The following ALG8 variants were observed in gnomAD, a reference collection of about 807,000 sequenced individuals.
ALG8 encodes dolichyl pyrophosphate Glc1Man9GlcNAc2 alpha-1,3-glucosyltransferase.
Under a neutral mutation model 70.2 loss-of-function variants are expected in ALG8, and 48 were observed. That is an observed-to-expected ratio of 0.68 (90% CI 0.54 to 0.87). The LOEUF (loss-of-function observed/expected upper bound fraction) is 0.87. Among genes scored for constraint, ALG8 ranks in the 40% least tolerant of loss-of-function variants. The pLI is 0.00. For missense variants in ALG8, 572 were observed against 608.7 expected (o/e 0.94, Z 0.64); for synonymous variants, 234 against 229.0 (o/e 1.02, Z -0.20).
In ALG8 at chr11:78,104,420, C is replaced by G; in HGVS notation, c.1212G>C (p.Ser404=). 1 of 1,596,360 alleles carries G rather than the reference C, an allele frequency of 6.3e-7. No individual in the cohort carries two copies. Among genetic ancestry groups the G allele is most frequent in the Non-Finnish European group, 8.5e-7 (1 of 1,171,128 alleles). ...LLSVGKAGDA[S]IFLILTTTGH... is the part of the protein sequence containing the mutation. ...CTGTTGTGGTCAGAATCAGAAAAAT[C>G]GAAGCGTCTCCTGCTTTTCCCACAG... The change falls in exon 11 of 13, where the codon TCG becomes TCC. Residue 404 remains serine, a synonymous_variant. Transcript: ENST00000299626.
chr11:78,112,898 G>T, intron 7 of ALG8, 128 bp from the exon 8 acceptor site: 1 of 1,105,442 alleles, frequency 9.0e-7, no homozygotes. Flanking sequence ...GTAAGTAAGT[G>T]GTTATATGCT....
intron 12 of ALG8, among the ~76,000 whole-genome samples, chr11:78,103,223 G>A (rs1590802130): frequency 1.3e-5 from 2 of 152,224 alleles, no homozygotes; most frequent in Admixed American, 1.3e-4. Flanking sequence ...ACTATGGGAG[G>A]CCAAGGTAAG....
chr11:78,104,312 GGTT>G (rs1394979602), intron 11 of ALG8, 41 bp downstream of exon 11: 1 of 1,495,984 alleles, frequency 6.7e-7, no homozygotes, highest in African/African-American at 1.4e-5. Context: ...TCGATGAAAA[GGTT>G]GTGATAGTCA....
intron 10 of ALG8, among the ~76,000 whole-genome samples, chr11:78,106,020 G>A (rs1468483290): frequency 1.3e-5 from 2 of 152,076 alleles, no homozygotes. Flanking sequence ...TTATCTTAAA[G>A]ATTATTGTGA....
intron 8 of ALG8, 37 bp downstream of exon 8, chr11:78,112,613 T>A: frequency 1.2e-6 from 2 of 1,611,262 alleles, no homozygotes; most frequent in Non-Finnish European, 1.7e-6. Context: ...GTCCTTTCAA[T>A]ATTCAGAGTC....
intron 1 of ALG8, among the ~76,000 whole-genome samples, chr11:78,138,480 T>C (rs971844485): frequency 6.6e-6 from 1 of 152,202 alleles, no homozygotes; most frequent in African/African-American, 2.4e-5. Flanking sequence ...TACATATACA[T>C]TCCACTTACA....
chr11:78,136,192 T>C (rs1460136158), intron 1 of ALG8, among the ~76,000 whole-genome samples: 3 of 151,564 alleles, frequency 2.0e-5, no homozygotes, highest in Admixed American at 2.0e-4. Flanking sequence ...AGGAAAAATA[T>C]TGACCAGTGA....
intron 1 of ALG8, among the ~76,000 whole-genome samples, chr11:78,132,137 G>A (rs1442969632): frequency 2.6e-5 from 4 of 152,184 alleles, no homozygotes; most frequent in African/African-American, 7.2e-5. Flanking sequence ...GTGGCGTAGA[G>A]AAGCAGCTTG....
chr11:78,114,110 C>G, intron 6 of ALG8, 121 bp from the exon 7 acceptor site: 1 of 1,372,510 alleles, frequency 7.3e-7, no homozygotes, highest in Non-Finnish European at 1.0e-6. Flanking sequence ...CATGATGTGG[C>G]AAGAGCAGAG....
chr11:78,109,009 ACT>A (rs1039391321), intron 9 of ALG8, among the ~76,000 whole-genome samples: 4 of 152,004 alleles, frequency 2.6e-5, no homozygotes, highest in Non-Finnish European at 4.4e-5. Flanking sequence ...GCCTTTGTCG[ACT>A]CTCTCAACTC....
chr11:78,103,635 AC>A (rs1320978094), intron 12 of ALG8, among the ~76,000 whole-genome samples: 1 of 152,212 alleles, frequency 6.6e-6, no homozygotes, highest in Non-Finnish European at 1.5e-5. Context: ...TCTCAAAAAA[AC>A]GAACAAAAAA....
chr11:78,111,756 G>A (rs746911237), intron 8 of ALG8, among the ~76,000 whole-genome samples: 4 of 152,170 alleles, frequency 2.6e-5, no homozygotes, highest in Non-Finnish European at 5.9e-5. Context: ...CACCAAGCTA[G>A]ATTGTATTCA....
Position 78,124,170 on chromosome 11 carries a change from C to T in ALG8, c.219G>A (p.Trp73Ter). 2.5e-6 allele frequency: 4 copies of T among 1,614,102 alleles called. No homozygotes were observed. Among genetic ancestry groups the T allele is most frequent in the Non-Finnish European group, 3.4e-6 (4 of 1,180,028 alleles). ...WTLDYPPFFA[W>*]FEYILSHVAK... The stretch of plus-strand genomic sequence containing the variant: ...CAACATGTGACAGGATATACTCAAA[C>T]CATGCAAAGAAAGGGGGGTAATCCA... The change falls in exon 3 of 13, where the codon TGG (tryptophan) becomes TGA (stop). Residue 73 changes from tryptophan (W) to a stop codon, truncating the protein, a stop_gained. Coordinates refer to ENST00000299626, the MANE Select transcript of ALG8 (RefSeq NM_024079.5). LOFTEE classifies it high-confidence loss of function.
intron 7 of ALG8, 117 bp from the exon 8 acceptor site, chr11:78,112,887 A>C (rs1030178785): frequency 2.5e-5 from 32 of 1,272,052 alleles, no homozygotes; most frequent in Non-Finnish European, 7.6e-6. Flanking sequence ...TCTGGGTTCT[A>C]GTAAGTAAGT....
At chr11:78,135,394 T>G (rs1861498276) in intron 1 of ALG8, 1 of 150,580 alleles carries the variant, frequency 6.6e-6, no homozygotes, top group Non-Finnish European at 1.5e-5. Flanking sequence ...GGCTGCAGAA[T>G]AGATGTTACA....
chr11:78,114,836 G>A (rs1322421804), intron 5 of ALG8: 27 of 334,644 alleles, frequency 8.1e-5, no homozygotes, highest in East Asian at 3.2e-4. Context: ...TTAGCTAGGC[G>A]TGATGGCTTG....
chr11:78,106,193 A>C (rs1015932526), intron 10 of ALG8, among the ~76,000 whole-genome samples: 4 of 151,988 alleles, frequency 2.6e-5, no homozygotes, highest in African/African-American at 9.6e-5. Flanking sequence ...CCAAAGCCCA[A>C]GTTTTTTCTT....
chr11:78,137,929 A>G (rs551671148), intron 1 of ALG8, among the ~76,000 whole-genome samples: 2 of 152,238 alleles, frequency 1.3e-5, no homozygotes, highest in South Asian at 4.1e-4. Context: ...TTGTAAAAAA[A>G]ATGAAAATGC....
At chr11:78,125,004 A>G (rs1055473514) in intron 2 of ALG8, among the ~76,000 whole-genome samples, 2 of 147,386 alleles carry the variant, frequency 1.4e-5, no homozygotes, top group Non-Finnish European at 3.0e-5. Context: ...TTAGAATAGT[A>G]TATTTTGTTA....
Sources: gnomAD v4.1 joint callset for allele counts (sites outside exome capture counted in the v4.1 genomes callset) on GRCh38, gnomAD v4.1.1 for gene constraint, MANE v1.5 for transcripts, NCBI Gene and HGNC (gene_info 2026-07-23, HGNC 2026-07-21) for gene names.